EVI5: variants seen among roughly 807,000 people sequenced by gnomAD.
EVI5 encodes the protein ecotropic viral integration site 5 protein homolog.
Under a neutral mutation model 112.0 loss-of-function variants are expected in EVI5, and 73 were observed. The ratio of observed to expected loss-of-function variants is 0.65; its 90% CI spans 0.54 to 0.79. EVI5 has a LOEUF of 0.79. Among genes scored for constraint, EVI5 ranks in the 30% least tolerant of loss-of-function variants. The pLI, the probability that EVI5 is intolerant of heterozygous loss-of-function variation, is 0.00. For missense variants in EVI5, 900 were observed against 968.8 expected (o/e 0.93, Z 0.94); for synonymous variants, 305 against 319.9 (o/e 0.95, Z 0.50).
At chr1:92,688,588 T>C (rs955734718) in intron 9 of EVI5, among the ~76,000 whole-genome samples, 5 of 151,834 alleles carry the variant, frequency 3.3e-5, no homozygotes, top group African/African-American at 1.2e-4. Context: ...GGAGAAGGCA[T>C]GCTGTAAAAA....
intron 1 of EVI5, among the ~76,000 whole-genome samples, chr1:92,770,728 T>C (rs1245009024): frequency 6.6e-6 from 1 of 151,494 alleles, no homozygotes; most frequent in East Asian, 2.0e-4. Flanking sequence ...AGGTGGAGGT[T>C]GCAGTGAGCC....
intron 18 of EVI5, among the ~76,000 whole-genome samples, chr1:92,595,430 T>G (rs1205966996): frequency 1.0e-4 from 15 of 149,674 alleles, no homozygotes; most frequent in African/African-American, 3.0e-4. Flanking sequence ...TGGGGGGAGG[T>G]TGGAGGGATA....
chr1:92,522,162 A>G (rs1454044121), intron 19 of EVI5, among the ~76,000 whole-genome samples: 1 of 152,168 alleles, frequency 6.6e-6, no homozygotes, highest in Non-Finnish European at 1.5e-5. Flanking sequence ...TTAGCTTTCC[A>G]TCTCCTCACA....
chr1:92,563,492 G>T, intron 19 of EVI5, 150 bp downstream of exon 19: 1 of 445,634 alleles, frequency 2.2e-6, no homozygotes, highest in East Asian at 3.4e-5. Context: ...TTGCTAAAAA[G>T]ACAATTTTCA....
intron 14 of EVI5, among the ~76,000 whole-genome samples, chr1:92,634,817 C>T (rs929848185): frequency 6.6e-6 from 1 of 152,084 alleles, no homozygotes; most frequent in African/African-American, 2.4e-5. Context: ...GTTTTATCTA[C>T]GTTTGGTCTT....
intron 9 of EVI5, among the ~76,000 whole-genome samples, chr1:92,684,954 T>C (rs923121066): frequency 1.3e-5 from 2 of 151,986 alleles, no homozygotes; most frequent in African/African-American, 4.8e-5. Flanking sequence ...ACAATAATAA[T>C]GGGAGACTTT....
At chr1:92,716,484 A>ATGTG (rs1673709870) in intron 2 of EVI5, among the ~76,000 whole-genome samples, 1 of 152,314 alleles carries the variant, frequency 6.6e-6, no homozygotes, top group East Asian at 1.9e-4. Context: ...ATCAAAGACC[A>ATGTG]AAGGTAGATA....
At chr1:92,782,088 G>A (rs1277158996) in intron 1 of EVI5, among the ~76,000 whole-genome samples, 1 of 151,350 alleles carries the variant, frequency 6.6e-6, no homozygotes, top group Non-Finnish European at 1.5e-5. Flanking sequence ...GTGAAGCCCT[G>A]TCTCTACTAA....
chr1:92,743,953 T>C (rs1201865543), intron 1 of EVI5, among the ~76,000 whole-genome samples: 1 of 152,212 alleles, frequency 6.6e-6, no homozygotes, highest in East Asian at 1.9e-4. Flanking sequence ...TCACTGATTT[T>C]TGAATCTTTT....
At chr1:92,785,887 C>T (rs55653993), upstream of EVI5, among the ~76,000 whole-genome samples, 1 of 151,858 alleles carries the variant, frequency 6.6e-6, no homozygotes, top group African/African-American at 2.4e-5. Context: ...GGAGACCAAT[C>T]TGGCCAACAT....
chr1:92,699,127 G>A (rs895265941), intron 5 of EVI5, among the ~76,000 whole-genome samples: 4 of 152,084 alleles, frequency 2.6e-5, no homozygotes, highest in African/African-American at 4.8e-5. Context: ...CGGACAGGGG[G>A]CCAAGAGTCA....
At chr1:92,572,508 T>C (rs1670458919) in intron 18 of EVI5, among the ~76,000 whole-genome samples, 1 of 152,162 alleles carries the variant, frequency 6.6e-6, no homozygotes. Context: ...GCACTTCATT[T>C]ACATATATGA....
At chr1:92,777,618 G>A (rs74517946) in intron 1 of EVI5, among the ~76,000 whole-genome samples, 3,626 of 152,190 alleles carry the variant, frequency 0.024, 167 homozygotes, top group African/African-American at 0.083. Flanking sequence ...AATTTAAAAG[G>A]TATAACCCCA....
intron 2 of EVI5, among the ~76,000 whole-genome samples, chr1:92,728,338 A>G (rs1301621432): frequency 6.6e-6 from 1 of 152,078 alleles, no homozygotes; most frequent in Non-Finnish European, 1.5e-5. Flanking sequence ...ATGTACCAAT[A>G]ATAGTCACCC....
chr1:92,649,847 T>C (rs1661772755), intron 13 of EVI5, among the ~76,000 whole-genome samples: 1 of 152,208 alleles, frequency 6.6e-6, no homozygotes, highest in Non-Finnish European at 1.5e-5. Context: ...GGAATATTTT[T>C]AGTTAATTTT....
chr1:92,780,396 G>A (rs1684710661), intron 1 of EVI5, among the ~76,000 whole-genome samples: 1 of 152,120 alleles, frequency 6.6e-6, no homozygotes, highest in Non-Finnish European at 1.5e-5. Flanking sequence ...TGAAAGCCAA[G>A]GGGTTAAACA....
intron 1 of EVI5, among the ~76,000 whole-genome samples, chr1:92,737,971 G>C (rs1031449094): frequency 6.6e-6 from 1 of 152,026 alleles, no homozygotes; most frequent in African/African-American, 2.4e-5. Flanking sequence ...TGATATTATA[G>C]AAAGGATCAG....
chr1:92,530,421 C>T (rs1662667429), intron 19 of EVI5, among the ~76,000 whole-genome samples: 1 of 152,122 alleles, frequency 6.6e-6, no homozygotes, highest in Admixed American at 6.5e-5. Flanking sequence ...TCTCCCAACA[C>T]AGCGTTCGAG....
At chr1:92,691,417 A>C (rs897074927) in intron 9 of EVI5, among the ~76,000 whole-genome samples, 4 of 152,246 alleles carry the variant, frequency 2.6e-5, no homozygotes, top group African/African-American at 9.6e-5. Flanking sequence ...CAGTTGTTAA[A>C]TACAGACAAT....
Sources: gnomAD v4.1 joint callset for allele counts (sites outside exome capture counted in the v4.1 genomes callset) on GRCh38, gnomAD v4.1.1 for gene constraint, MANE v1.5 for transcripts, NCBI Gene and HGNC (gene_info 2026-07-23, HGNC 2026-07-21) for gene names.